Variants in ATAD2 observed in about 807,000 individuals in gnomAD.
ATAD2 encodes the protein ATPase family AAA domain-containing protein 2.
In ATAD2, 62 loss-of-function variants were observed where a neutral mutation model predicts 168.9. That is an observed-to-expected ratio of 0.37 (90% CI 0.30 to 0.45). ATAD2 has a LOEUF of 0.45. Among genes scored for constraint, ATAD2 ranks in the 20% least tolerant of loss-of-function variants. ATAD2 has a pLI of 1.00. For missense variants in ATAD2, 1,419 were observed against 1,667.8 expected (o/e 0.85, Z 2.60); for synonymous variants, 613 against 571.6 (o/e 1.07, Z -1.03).
intron 18 of ATAD2, among the ~76,000 whole-genome samples, chr8:123,345,273 C>T (rs530766302): frequency 6.6e-6 from 1 of 152,070 alleles, no homozygotes; most frequent in Admixed American, 6.5e-5. Flanking sequence ...TTTCTTCAAG[C>T]AACTAGAAAA....
intron 2 of ATAD2, among the ~76,000 whole-genome samples, chr8:123,379,173 T>C (rs919589364): frequency 1.1e-4 from 16 of 152,146 alleles, no homozygotes; most frequent in African/African-American, 3.4e-4. Flanking sequence ...TCCAGTTCCA[T>C]GAATTTAGCC....
chr8:123,400,142 C>CGA (rs1428948136), upstream of ATAD2, among the ~76,000 whole-genome samples: 2 of 151,932 alleles, frequency 1.3e-5, no homozygotes, highest in Non-Finnish European at 2.9e-5. This position sits in a 1 kb window ranked among gnomAD's most constrained non-coding sequence, Gnocchi z 4.5. Flanking sequence ...CCAGCCTTGG[C>CGA]GACAGAGTGG....
At chr8:123,325,747 A>G (rs1346488115) in intron 26 of ATAD2, 146 bp downstream of exon 26, 1 of 1,044,622 alleles carries the variant, frequency 9.6e-7, no homozygotes, top group Non-Finnish European at 1.4e-6. Context: ...CAGGGGAAGG[A>G]GAAGAACAGT....
intron 1 of ATAD2, among the ~76,000 whole-genome samples, chr8:123,411,175 C>T (rs926936504): frequency 1.1e-4 from 17 of 152,128 alleles, no homozygotes; most frequent in African/African-American, 3.9e-4. Flanking sequence ...ACCTCCAAAG[C>T]GTTTGTCTCT....
chr8:123,415,568 T>A (rs1347949352), intron 1 of ATAD2, among the ~76,000 whole-genome samples: 1 of 151,782 alleles, frequency 6.6e-6, no homozygotes, highest in East Asian at 1.9e-4. Context: ...GTCCCTGATA[T>A]TAATATCATT....
chr8:123,412,655 A>C (rs1376511130), intron 1 of ATAD2, among the ~76,000 whole-genome samples: 3 of 151,922 alleles, frequency 2.0e-5, no homozygotes, highest in Non-Finnish European at 1.5e-5. Flanking sequence ...GGTTGGTCTC[A>C]AACTGACCTC....
intron 11 of ATAD2, among the ~76,000 whole-genome samples, chr8:123,358,962 C>A (rs181128157): frequency 1.6e-4 from 24 of 148,730 alleles, no homozygotes; most frequent in African/African-American, 5.7e-4. Flanking sequence ...CCTTGGCCCC[C>A]CAAAGTGCTG....
chr8:123,328,635 C>G, intron 24 of ATAD2, 56 bp from the exon 25 acceptor site: 3 of 1,468,294 alleles, frequency 2.0e-6, no homozygotes, highest in Non-Finnish European at 2.7e-6. Context: ...TTCTGAAATT[C>G]AAAGAGTGAA....
chr8:123,359,506 CTTTT>C (rs1233111101), intron 10 of ATAD2, 67 bp downstream of exon 10: 8 of 1,425,740 alleles, frequency 5.6e-6, no homozygotes, highest in African/African-American at 1.5e-5. Context: ...TCATTGGTTC[CTTTT>C]TTTAACTTTA....
chr8:123,322,113 G>A (rs1281437612), intron 27 of ATAD2, among the ~76,000 whole-genome samples: 1 of 150,824 alleles, frequency 6.6e-6, no homozygotes, highest in African/African-American at 2.4e-5. Context: ...TCAGCCACCC[G>A]AGTAGCTAGG....
rs1386801178 is a variant in ATAD2, at chr8:123,320,665, A to G, written c.*469T>C. On this transcript the variant is annotated 3_prime_UTR_variant, in exon 28 of 28. Transcript: ENST00000287394. Reference sequence around the variant, plus strand: ...TCTGGCTTTTAAGTGAAGACGAGGGAATCTCAAGGCAGATGGGAGGAGGGC... The same window carrying G: ...TCTGGCTTTTAAGTGAAGACGAGGGGATCTCAAGGCAGATGGGAGGAGGGC... The G allele has an allele frequency of 6.4e-6, 1 of 156,514 alleles. No individual in the cohort carries two copies. The highest frequency in any genetic ancestry group is 2.4e-5 in the African/African-American group (1 of 41,488). 9.7% of individuals were successfully genotyped at this position (156,514 alleles called of 1,614,324 possible).
At chr8:123,335,922 C>T (rs1229837742) in intron 22 of ATAD2, among the ~76,000 whole-genome samples, 1 of 152,068 alleles carries the variant, frequency 6.6e-6, no homozygotes, top group Non-Finnish European at 1.5e-5. Context: ...AAATGGGGGA[C>T]TAGATTTTTA....
chr8:123,403,004 A>G (rs1192545865), intron 1 of ATAD2, among the ~76,000 whole-genome samples: 4 of 152,128 alleles, frequency 2.6e-5, no homozygotes, highest in Admixed American at 2.0e-4. Flanking sequence ...TGTGACGAGG[A>G]AAGAGTTGAT....
intron 1 of ATAD2, among the ~76,000 whole-genome samples, chr8:123,391,978 AG>A (rs1368666105): frequency 1.2e-4 from 19 of 152,188 alleles, no homozygotes; most frequent in Admixed American, 1.2e-3. Flanking sequence ...GTGGGGGTTG[AG>A]GGGGATCCTT....
At chr8:123,323,514 T>A (rs1385509184) in intron 26 of ATAD2, among the ~76,000 whole-genome samples, 1 of 152,178 alleles carries the variant, frequency 6.6e-6, no homozygotes, top group East Asian at 1.9e-4. Context: ...GGATTTTCCA[T>A]CTGCTAAGTG....
At chr8:123,401,507 C>T (rs1241435418) in intron 1 of ATAD2, 4 of 1,568,088 alleles carry the variant, frequency 2.6e-6, no homozygotes, top group Non-Finnish European at 2.6e-6. Flanking sequence ...AGGCCAAGAA[C>T]CTGATTGATG....
chr8:123,410,117 G>A lies in ATAD2; in HGVS notation c.-2282+6131C>T, dbSNP rs1563873685. Among the ~76,000 whole-genome samples the A allele has an allele frequency of 2.6e-5, 4 of 151,904 alleles. No individual in the cohort carries two copies. The South Asian group carries it at 8.3e-4, about 32-fold the overall frequency. On this transcript the variant is annotated intron_variant, in intron 1 of 28. Coordinates refer to the ATAD2 transcript ENST00000521903. ...TTATTGATCTCTCTTCTAAACACCT[G>A]CCCATTAATATCTTAATTTCACTGG...
intron 20 of ATAD2, 61 bp downstream of exon 20, chr8:123,339,250 T>C (rs1477786737): frequency 1.4e-5 from 19 of 1,353,216 alleles, no homozygotes; most frequent in Non-Finnish European, 1.9e-5. Context: ...TCAATGCCAT[T>C]AACTATTTCA....
At chr8:123,329,642 A>G (rs1373715196) in intron 24 of ATAD2, among the ~76,000 whole-genome samples, 1 of 149,930 alleles carries the variant, frequency 6.7e-6, no homozygotes, top group Non-Finnish European at 1.5e-5. Flanking sequence ...CGGTGCCTGC[A>G]GTCCCAGCTA....
Sources: gnomAD v4.1 joint callset for allele counts (sites outside exome capture counted in the v4.1 genomes callset) on GRCh38, gnomAD v4.1.1 for gene constraint, Gnocchi (gnomAD v3.1) non-coding constraint, MANE v1.5 for transcripts, NCBI Gene and HGNC (gene_info 2026-07-23, HGNC 2026-07-21) for gene names.